MAP3K15: variants seen among roughly 807,000 people sequenced by gnomAD.
MAP3K15 encodes mitogen-activated protein kinase kinase kinase 15, also known as MAPK/ERK kinase kinase 15.
A neutral mutation model predicts 99.5 loss-of-function variants in MAP3K15; 124 were observed. The observed-to-expected ratio is 1.25, with a 90% CI of 1.08 to 1.45. The LOEUF (loss-of-function observed/expected upper bound fraction) is 1.45, where lower values mean the gene tolerates loss of function less well. MAP3K15 is among the 40% of genes most tolerant of loss of function. The probability of loss-of-function intolerance (pLI) is 0.00; values close to 1 mark genes in which losing one functional copy is unlikely to be tolerated. For missense variants in MAP3K15, 1,242 were observed against 1,079.7 expected, an observed-to-expected ratio of 1.15 and a Z score of -2.11; for synonymous variants, 494 against 439.6, an observed-to-expected ratio of 1.12 and a Z score of -1.55.
At chrX:19,414,340 A>C (rs1400748733) in intron 10 of MAP3K15, 2 of 205,394 alleles carry the variant, frequency 9.7e-6, no homozygotes, top group Non-Finnish European at 1.4e-5. Context: ...TAACTAAAAA[A>C]AGATTTTAAA....
chrX:19,458,402 G>A (rs763483340), intron 5 of MAP3K15, among the ~76,000 whole-genome samples: 45 of 112,448 alleles, frequency 4.0e-4, no homozygotes, highest in Non-Finnish European at 9.4e-5. Context: ...TAGCTGGCCA[G>A]GCACGGTGGC....
chrX:19,479,810 G>A (rs757448221), intron 3 of MAP3K15, among the ~76,000 whole-genome samples: 1 of 112,007 alleles, frequency 8.9e-6, no homozygotes, highest in South Asian at 3.7e-4. Flanking sequence ...GGCTATCTCT[G>A]TCATCTCCAA....
Position 19,374,582 on chromosome X carries a change from C to A in MAP3K15, c.2668G>T (p.Glu890Ter), listed in dbSNP as rs748945931. 3 of 1,211,121 alleles carry A rather than the reference C, an allele frequency of 2.5e-6. No individual in the cohort carries two copies. Among genetic ancestry groups the A allele is most frequent in the East Asian group, 3.0e-5 (1 of 33,822 alleles). ...GTGGCACGTTTGTGGGGGTCAGGCT[C>A]GAAACAGGATAAAATGAAGGCTCGG... The part of the protein sequence containing the change: ...EARAFILSCF[E>*]PDPHKRATTA... Residue 890 changes from glutamate to a stop codon, truncating the protein, a stop_gained, in exon 20 of 29, where the codon GAG (glutamate) becomes TAG (stop). Coordinates refer to ENST00000338883, the MANE Select transcript of MAP3K15 (RefSeq NM_001001671.4). LOFTEE classifies it high-confidence loss of function.
intron 18 of MAP3K15, among the ~76,000 whole-genome samples, chrX:19,388,505 C>T (rs1350761048): frequency 8.9e-6 from 1 of 112,340 alleles, no homozygotes; most frequent in African/African-American, 3.2e-5. Context: ...TAACCCATGA[C>T]TTCTAAGTAC....
At chrX:19,451,460 C>A (rs1674222887) in intron 6 of MAP3K15, among the ~76,000 whole-genome samples, 2 of 102,966 alleles carry the variant, frequency 1.9e-5, no homozygotes, top group African/African-American at 3.5e-5. Flanking sequence ...AAAAAAAAAC[C>A]CTCCTACAAC....
At chrX:19,411,191 A>T (rs780784166) in intron 11 of MAP3K15, among the ~76,000 whole-genome samples, 1 of 110,938 alleles carries the variant, frequency 9.0e-6, no homozygotes, top group East Asian at 2.8e-4. Flanking sequence ...CTCAAAAAAA[A>T]AAAAAAATTC....
intron 24 of MAP3K15, among the ~76,000 whole-genome samples, chrX:19,369,953 T>C (rs867378821): frequency 9.1e-6 from 1 of 110,014 alleles, no homozygotes; most frequent in African/African-American, 3.3e-5. Context: ...AGAGCCAGGC[T>C]GCCACCCAAG....
At chrX:19,454,160 C>T (rs2064076223) in intron 6 of MAP3K15, among the ~76,000 whole-genome samples, 1 of 111,918 alleles carries the variant, frequency 8.9e-6, no homozygotes, top group Admixed American at 9.5e-5. Context: ...CTGCCACTTG[C>T]TGAGTAATTC....
Position 19,408,149 on chromosome X carries a change from T to G in MAP3K15, c.1749-866A>C, listed in dbSNP as rs974357485. ...TCAATCTGTAAAGCAACCACCACAGTTAGTTGGAGAGCCTCTGGAACGCTC... is the reference window on the plus strand; with the variant it reads ...TCAATCTGTAAAGCAACCACCACAGGTAGTTGGAGAGCCTCTGGAACGCTC... On this transcript the variant is annotated intron_variant, in intron 12 of 28. Transcript: ENST00000338883. Among the ~76,000 whole-genome samples the G allele has an allele frequency of 2.7e-5, 3 of 111,316 alleles. No homozygotes were observed. The Admixed American group carries it at 2.9e-4, about 11-fold the overall frequency.
At chrX:19,403,374 A>G (rs2063622895) in intron 13 of MAP3K15, among the ~76,000 whole-genome samples, 1 of 110,988 alleles carries the variant, frequency 9.0e-6, no homozygotes, top group African/African-American at 3.3e-5. Context: ...AATTACTTTT[A>G]CACCAATTTA....
At chrX:19,367,485 T>C (rs2063342529) in intron 25 of MAP3K15, among the ~76,000 whole-genome samples, 1 of 102,663 alleles carries the variant, frequency 9.7e-6, no homozygotes, top group Non-Finnish European at 1.9e-5. Flanking sequence ...AAAAAAACTT[T>C]CAAAATGTTG....
At position 19,427,418 on chromosome X, in the gene MAP3K15, C is replaced by G. The variant is rs890052132; in HGVS notation, c.1167-1075G>C. 5.4e-5 allele frequency among the ~76,000 whole-genome samples: 6 copies of G among 111,487 alleles called. No individual in the cohort carries two copies. In the Admixed American group the frequency reaches 5.8e-4, roughly 11 times the overall value. ...CTGCAAGCTGTTTGTTTGCTTTTAACAATATGGAGTTGTTTTTTCATGCAG... is the reference window on the plus strand; with the variant it reads ...CTGCAAGCTGTTTGTTTGCTTTTAAGAATATGGAGTTGTTTTTTCATGCAG... On this transcript the variant is annotated intron_variant, in intron 7 of 28. Transcript: ENST00000338883.
chrX:19,440,971 C>T (rs2063955093), intron 6 of MAP3K15, among the ~76,000 whole-genome samples: 1 of 111,817 alleles, frequency 8.9e-6, no homozygotes, highest in Non-Finnish European at 1.9e-5. Flanking sequence ...TCCTACAACC[C>T]TCTCTAGTAC....
At chrX:19,408,982 A>G (rs1039680581) in intron 12 of MAP3K15, among the ~76,000 whole-genome samples, 2 of 112,139 alleles carry the variant, frequency 1.8e-5, no homozygotes, top group Non-Finnish European at 3.8e-5. Flanking sequence ...GAGGACAGAG[A>G]CCATATTTTA....
chrX:19,464,266 C>A lies in MAP3K15; in HGVS notation c.666G>T (p.Met222Ile). The change falls in exon 4 of 29, where the codon ATG becomes ATT. Residue 222 changes from methionine to isoleucine, a missense_variant. Coordinates refer to ENST00000338883, the MANE Select transcript of MAP3K15 (RefSeq NM_001001671.4). Reference protein sequence around the residue: ...NWDNILGPLCMPLVDRFISLL... With the variant: ...NWDNILGPLCIPLVDRFISLL... The stretch of plus-strand genomic sequence containing the variant: ...GGCTAATGAACCTGTCCACCAAAGG[C>A]ATGCACAGCGGGCCCAGGATGTTGT... 8.3e-7 allele frequency: 1 copy of A among 1,200,295 alleles called. No homozygotes were observed. The highest frequency in any genetic ancestry group is 1.1e-6 in the Non-Finnish European group (1 of 895,249).
intron 6 of MAP3K15, among the ~76,000 whole-genome samples, chrX:19,449,700 C>CT (rs2064024625): frequency 9.2e-6 from 1 of 109,251 alleles, no homozygotes; most frequent in Non-Finnish European, 1.9e-5. Context: ...CAAACGATCG[C>CT]TTTTTTCTGC....
At chrX:19,495,719 C>T (rs903451601) in intron 1 of MAP3K15, among the ~76,000 whole-genome samples, 1 of 111,917 alleles carries the variant, frequency 8.9e-6, no homozygotes, top group Middle Eastern at 4.2e-3. Flanking sequence ...TACATTATAG[C>T]ATGAGTTAAG....
In MAP3K15 at chrX:19,398,352, T is replaced by TA; in HGVS notation, c.1939dup (p.Tyr647LeufsTer2). On this transcript the variant is annotated frameshift_variant, in exon 15 of 29. Coordinates refer to ENST00000338883, the MANE Select transcript of MAP3K15 (RefSeq NM_001001671.4). LOFTEE classifies it high-confidence loss of function. ...TCTCTCACCATTTGCATCATGGTCA[T>TA]ACTCATACTGAAGAAGGAAAAACAA... 1 of 1,210,525 alleles carries TA rather than the reference T, an allele frequency of 8.3e-7. No individual in the cohort carries two copies. The highest frequency in any genetic ancestry group is 1.8e-5 in the South Asian group (1 of 56,708).
At chrX:19,418,481 T>G (rs970230963) in intron 9 of MAP3K15, among the ~76,000 whole-genome samples, 1 of 110,047 alleles carries the variant, frequency 9.1e-6, no homozygotes, top group African/African-American at 3.3e-5. Flanking sequence ...GTGAGAAGTT[T>G]AGAGAAAAAA....
Sources: gnomAD v4.1 joint callset for allele counts (sites outside exome capture counted in the v4.1 genomes callset) on GRCh38, gnomAD v4.1.1 for gene constraint, MANE v1.5 for transcripts, NCBI Gene and HGNC (gene_info 2026-07-23, HGNC 2026-07-21) for gene names.